EVI5: variants seen among roughly 807,000 people sequenced by gnomAD.
The protein encoded by EVI5 is ecotropic viral integration site 5.
EVI5 carries 73 observed loss-of-function variants against 112.0 expected under a neutral mutation model. The observed-to-expected ratio is 0.65, with a 90% CI of 0.54 to 0.79. The LOEUF (loss-of-function observed/expected upper bound fraction) is 0.79. Ranked by LOEUF, EVI5 falls within the 30% of genes least tolerant of loss-of-function variation. The probability of loss-of-function intolerance (pLI) is 0.00; values close to 1 mark genes in which losing one functional copy is unlikely to be tolerated. For missense variants in EVI5, 900 were observed against 968.8 expected (o/e 0.93, Z 0.94); for synonymous variants, 305 against 319.9 (o/e 0.95, Z 0.50).
At chr1:92,788,749 G>A (rs12061768), upstream of EVI5, among the ~76,000 whole-genome samples, 2,686 of 152,022 alleles carry the variant, frequency 0.018, 94 homozygotes, top group African/African-American at 0.061. Flanking sequence ...AGCCGAGATC[G>A]CGCCACTGCT....
At chr1:92,531,475 A>G (rs1451911471) in intron 19 of EVI5, among the ~76,000 whole-genome samples, 1 of 152,168 alleles carries the variant, frequency 6.6e-6, no homozygotes, top group Admixed American at 6.5e-5. Flanking sequence ...CAACCTCAAG[A>G]CACATAATCA....
chr1:92,725,018 T>C lies in EVI5; in HGVS notation c.149+11380A>G, dbSNP rs530314269. Among the ~76,000 whole-genome samples the C allele has an allele frequency of 2.4e-4, 37 of 152,156 alleles. 1 individual carries two copies. In the South Asian group the frequency reaches 5.4e-3, roughly 22 times the overall value. On this transcript the variant is annotated intron_variant, in intron 2 of 19. Transcript: ENST00000684568. Reference sequence around the variant, plus strand: ...ACTGAGGAGATGATGAGAAGAGTCATTGCAAGTCAGATAAACCATATTTCA... The same window carrying C: ...ACTGAGGAGATGATGAGAAGAGTCACTGCAAGTCAGATAAACCATATTTCA...
chr1:92,618,491 C>T (rs1653741378), intron 16 of EVI5, among the ~76,000 whole-genome samples: 1 of 152,204 alleles, frequency 6.6e-6, no homozygotes, highest in South Asian at 2.1e-4. Context: ...TGCTAATCCA[C>T]AACGGAGGTA....
intron 14 of EVI5, among the ~76,000 whole-genome samples, chr1:92,628,695 T>G (rs893871899): frequency 6.6e-6 from 1 of 152,144 alleles, no homozygotes; most frequent in Non-Finnish European, 1.5e-5. Context: ...GAAAGCTCCC[T>G]AGATAAAAAG....
intron 19 of EVI5, among the ~76,000 whole-genome samples, chr1:92,534,355 C>T (rs1234406373): frequency 6.6e-6 from 1 of 152,152 alleles, no homozygotes; most frequent in Admixed American, 6.5e-5. Context: ...GCCATACTGC[C>T]CAAAGTAATT....
upstream of EVI5, among the ~76,000 whole-genome samples, chr1:92,789,669 A>G (rs1458618686): frequency 6.6e-6 from 1 of 152,186 alleles, no homozygotes; most frequent in Admixed American, 6.5e-5. Flanking sequence ...GATACTGTAC[A>G]GCCTTAGCAT....
At chr1:92,563,402 A>G (rs1051145760) in intron 19 of EVI5, among the ~76,000 whole-genome samples, 2 of 152,234 alleles carry the variant, frequency 1.3e-5, no homozygotes, top group African/African-American at 4.8e-5. Context: ...AATATTTGCC[A>G]TGAAAATATT....
At chr1:92,528,646 G>C (rs1356617408) in intron 19 of EVI5, among the ~76,000 whole-genome samples, 1 of 152,200 alleles carries the variant, frequency 6.6e-6, no homozygotes, top group Non-Finnish European at 1.5e-5. Flanking sequence ...CTGCTGCATG[G>C]AACTACGTGG....
At chr1:92,761,088 T>TAGGTAA (rs1170077922) in intron 1 of EVI5, among the ~76,000 whole-genome samples, 1 of 146,292 alleles carries the variant, frequency 6.8e-6, no homozygotes, top group South Asian at 2.1e-4. Flanking sequence ...AATTAATGAA[T>TAGGTAA]AGGTAATTTC....
chr1:92,613,164 G>C (rs1652269970), intron 16 of EVI5, among the ~76,000 whole-genome samples: 1 of 152,194 alleles, frequency 6.6e-6, no homozygotes, highest in Non-Finnish European at 1.5e-5. Context: ...GAAAGCCATT[G>C]CATCTTGGGG....
intron 19 of EVI5, among the ~76,000 whole-genome samples, chr1:92,536,292 G>A (rs1403275039): frequency 2.0e-5 from 3 of 152,060 alleles, no homozygotes. Context: ...ATTTAGTAAT[G>A]AGAAAAGGAA....
At chr1:92,515,506 C>A (rs991410645) in intron 19 of EVI5, among the ~76,000 whole-genome samples, 1 of 152,076 alleles carries the variant, frequency 6.6e-6, no homozygotes, top group African/African-American at 2.4e-5. Flanking sequence ...CTCTCATGCA[C>A]CATGAATTTT....
At chr1:92,516,849 GCAGA>G (rs1301260395) in intron 19 of EVI5, among the ~76,000 whole-genome samples, 1 of 148,984 alleles carries the variant, frequency 6.7e-6, no homozygotes, top group Admixed American at 6.8e-5. Flanking sequence ...CAAAAAGCAG[GCAGA>G]CAATCAACCT....
At chr1:92,595,860 T>C (rs1394164116) in intron 18 of EVI5, among the ~76,000 whole-genome samples, 1 of 152,238 alleles carries the variant, frequency 6.6e-6, no homozygotes, top group Non-Finnish European at 1.5e-5. Flanking sequence ...ACTTTAGTTG[T>C]ATAATAAGCA....
At position 92,743,877 on chromosome 1, in the gene EVI5, T is replaced by C. The variant is rs555903729; in HGVS notation, c.-81-7250A>G. On this transcript the variant is annotated intron_variant, in intron 1 of 19. Coordinates refer to ENST00000684568, the MANE Select transcript of EVI5 (RefSeq NM_001350197.2). ...CTGATTTCTACTAATTTTTATTATTTATTTTATTCTGCTTGCTTTAGGTTT... is the reference window on the plus strand; with the variant it reads ...CTGATTTCTACTAATTTTTATTATTCATTTTATTCTGCTTGCTTTAGGTTT... Among the ~76,000 whole-genome samples, 3 of 152,328 alleles carry C rather than the reference T, an allele frequency of 2.0e-5. No homozygotes were observed. The South Asian group carries it at 6.2e-4, about 32-fold the overall frequency.
chr1:92,676,175 T>A (rs1233961731), intron 10 of EVI5, among the ~76,000 whole-genome samples: 2 of 151,602 alleles, frequency 1.3e-5, no homozygotes, highest in Non-Finnish European at 2.9e-5. Flanking sequence ...AAGAGAGAGT[T>A]AACATAAGAA....
At chr1:92,791,655 C>T (rs1480632777) in intron 1 of EVI5, among the ~76,000 whole-genome samples, 1 of 151,584 alleles carries the variant, frequency 6.6e-6, no homozygotes, top group Admixed American at 6.6e-5. Context: ...ATAGATGCGA[C>T]GTGAGATGTG....
chr1:92,768,836 C>T (rs1248011211), intron 1 of EVI5, among the ~76,000 whole-genome samples: 1 of 152,266 alleles, frequency 6.6e-6, no homozygotes, highest in Non-Finnish European at 1.5e-5. Flanking sequence ...GAACGCACCA[C>T]CACACTCCAG....
At chr1:92,726,099 GTACT>G (rs1675529480) in intron 2 of EVI5, among the ~76,000 whole-genome samples, 1 of 152,156 alleles carries the variant, frequency 6.6e-6, no homozygotes, top group African/African-American at 2.4e-5. Flanking sequence ...TAATATGTGT[GTACT>G]TAGAGTCTCT....
Sources: allele counts gnomAD v4.1 joint callset (sites outside exome capture counted in the v4.1 genomes callset), GRCh38; gene constraint gnomAD v4.1.1; transcripts MANE v1.5; gene names NCBI Gene and HGNC (gene_info 2026-07-23, HGNC 2026-07-21).